NMNAT2: variants seen among roughly 807,000 people sequenced by gnomAD.
NMNAT2 encodes nicotinamide/nicotinic acid mononucleotide adenylyltransferase 2.
Under a neutral mutation model 41.6 loss-of-function variants are expected in NMNAT2, and 11 were observed. The observed-to-expected ratio is 0.26, with a 90% CI of 0.17 to 0.44. The LOEUF is 0.44. Ranked by LOEUF, NMNAT2 falls within the 20% of genes least tolerant of loss-of-function variation. The pLI is 1.00. For missense variants in NMNAT2, 288 were observed against 407.7 expected (o/e 0.71, Z 2.53); for synonymous variants, 148 against 151.2 (o/e 0.98, Z 0.16).
chr1:183,334,516 CT>C (rs780867339), intron 1 of NMNAT2, among the ~76,000 whole-genome samples: 65 of 147,238 alleles, frequency 4.4e-4, no homozygotes, highest in African/African-American at 7.9e-4. Flanking sequence ...GCCACCCATT[CT>C]TTTTTTTTTT....
chr1:183,334,267 A>G (rs889209084), intron 1 of NMNAT2, among the ~76,000 whole-genome samples: 3 of 152,126 alleles, frequency 2.0e-5, no homozygotes, highest in African/African-American at 7.2e-5. Context: ...GGGTTTCACC[A>G]TATTGGCCAG....
Position 183,286,781 on chromosome 1 carries a change from G to A in NMNAT2, c.329C>T (p.Thr110Ile). Residue 110 changes from threonine to isoleucine, a missense_variant, in exon 5 of 11, where the codon ACT becomes ATT. Transcript: ENST00000287713. Reference sequence around the variant, plus strand: ...GTTGACATTGGAGAGGATGCAGCCAGTCACCCTCTAGGGAGAGAGAGAAGA... The same window carrying A: ...GTTGACATTGGAGAGGATGCAGCCAATCACCCTCTAGGGAGAGAGAGAAGA... Reference protein sequence around the residue: ...EHHRDLMKRVTGCILSNVNTP... With the variant: ...EHHRDLMKRVIGCILSNVNTP... 6.2e-7 allele frequency: 1 copy of A among 1,610,628 alleles called. No individual in the cohort carries two copies. The highest frequency in any genetic ancestry group is 8.5e-7 in the Non-Finnish European group (1 of 1,178,318).
chr1:183,374,297 C>T (rs1663625127), intron 1 of NMNAT2, among the ~76,000 whole-genome samples: 1 of 37,792 alleles, frequency 2.6e-5, no homozygotes, highest in Non-Finnish European at 8.4e-5. Flanking sequence ...TCTGCTTGCA[C>T]CCCCCTGGCT....
At chr1:183,341,732 A>AAAAAAAAAAAAAC (rs1662814156) in intron 1 of NMNAT2, among the ~76,000 whole-genome samples, 1 of 138,914 alleles carries the variant, frequency 7.2e-6, no homozygotes, top group African/African-American at 2.6e-5. Context: ...CACCAAAAAA[A>AAAAAAAAAAAAAC]AAAAAAAAAA....
chr1:183,324,608 T>C (rs1662423004), intron 1 of NMNAT2, among the ~76,000 whole-genome samples: 1 of 152,210 alleles, frequency 6.6e-6, no homozygotes, highest in South Asian at 2.1e-4. Context: ...TGAGTTCCTC[T>C]GACACTCTGA....
At chr1:183,345,716 TC>T (rs1204217711) in intron 1 of NMNAT2, among the ~76,000 whole-genome samples, 2 of 148,616 alleles carry the variant, frequency 1.3e-5, no homozygotes, top group Non-Finnish European at 3.0e-5. Context: ...AGACGGAGTC[TC>T]ACACTGTTGC....
intron 7 of NMNAT2, chr1:183,283,028 C>T (rs890996352): frequency 2.6e-5 from 4 of 152,130 alleles, no homozygotes; most frequent in African/African-American, 9.7e-5. Context: ...ACCACTGCAC[C>T]TCAGATGAGA....
At chr1:183,283,938 G>A (rs868163263) in intron 7 of NMNAT2, 57 bp downstream of exon 7, 18 of 1,555,916 alleles carry the variant, frequency 1.2e-5, no homozygotes, top group African/African-American at 1.1e-4. Flanking sequence ...GTTGCCTGTC[G>A]TGAAGGCAGG....
At chr1:183,276,637 G>C (rs546628539) in intron 8 of NMNAT2, among the ~76,000 whole-genome samples, 1 of 152,250 alleles carries the variant, frequency 6.6e-6, no homozygotes, top group Non-Finnish European at 1.5e-5. Flanking sequence ...ACTCCAGGCT[G>C]TGCCACAGCT....
intron 1 of NMNAT2, among the ~76,000 whole-genome samples, chr1:183,398,793 A>G (rs1648726656): frequency 6.6e-6 from 1 of 152,206 alleles, no homozygotes; most frequent in Non-Finnish European, 1.5e-5. Flanking sequence ...AAACTGAACA[A>G]CCTGTTCCTG....
intron 4 of NMNAT2, 27 bp downstream of exon 4, chr1:183,290,101 C>G: frequency 6.5e-7 from 1 of 1,546,448 alleles, no homozygotes; most frequent in Non-Finnish European, 8.8e-7. Context: ...TGGTGGTTCA[C>G]GCATCCCCAG....
chr1:183,412,129 T>G (rs7551058), intron 1 of NMNAT2, among the ~76,000 whole-genome samples: 2,732 of 152,314 alleles, frequency 0.018, 75 homozygotes, highest in African/African-American at 0.063. Context: ...TTGACTTTGA[T>G]TGACAGAGAT....
At chr1:183,311,726 C>T (rs2022418) in intron 1 of NMNAT2, among the ~76,000 whole-genome samples, 19 of 33,380 alleles carry the variant, frequency 5.7e-4, no homozygotes, top group East Asian at 0.071. Flanking sequence ...AGTCCCTACA[C>T]ACACACACAC....
chr1:183,260,819 CAAA>C lies in NMNAT2; in HGVS notation c.821+180_821+182del, dbSNP rs35660466. ...GGGCAACAAGAGTGAGACGCTGTCT[CAAA>C]AAAAAAAAAAAAAAAAAAAATGTAA... On this transcript the variant is annotated intron_variant, in intron 10 of 10. Transcript: ENST00000287713. 3.9e-3 allele frequency among the ~76,000 whole-genome samples: 290 copies of C among 74,958 alleles called. 2 individuals are homozygous for C. Among genetic ancestry groups the C allele is most frequent in the African/African-American group, 0.014 (253 of 17,928 alleles). The allele number at this position is 74,958 out of a possible 152,430, so 49.2% of individuals were successfully genotyped here.
intron 1 of NMNAT2, among the ~76,000 whole-genome samples, chr1:183,317,130 T>C (rs1662270751): frequency 6.6e-6 from 1 of 152,238 alleles, no homozygotes; most frequent in Non-Finnish European, 1.5e-5. Context: ...CTCTTCTAAA[T>C]GGGAACCGTC....
chr1:183,276,555 G>A lies in NMNAT2; in HGVS notation c.651+1998C>T, dbSNP rs569124611. Among the ~76,000 whole-genome samples the A allele has an allele frequency of 8.5e-5, 13 of 152,322 alleles. No homozygotes were observed. In the South Asian group the frequency reaches 2.5e-3, roughly 29 times the overall value. On this transcript the variant is annotated intron_variant, in intron 8 of 10. Transcript: ENST00000287713. The stretch of plus-strand genomic sequence containing the variant: ...AAGTTTCACGCTCCAGGAAGCCTGG[G>A]TCTGCCCTTGAGAGGAGGCTCCTCA...
intron 1 of NMNAT2, among the ~76,000 whole-genome samples, chr1:183,323,522 T>A (rs1447247698): frequency 6.6e-6 from 1 of 152,220 alleles, no homozygotes; most frequent in African/African-American, 2.4e-5. Context: ...TAAACACATG[T>A]GGAGCCTTCT....
intron 1 of NMNAT2, among the ~76,000 whole-genome samples, chr1:183,395,166 T>C (rs1410929775): frequency 2.0e-5 from 3 of 152,280 alleles, no homozygotes; most frequent in African/African-American, 7.2e-5. Context: ...AAACTCCATA[T>C]GTGAAAGGAT....
chr1:183,283,764 C>T, intron 7 of NMNAT2: 1 of 543,924 alleles, frequency 1.8e-6, no homozygotes, highest in Non-Finnish European at 3.3e-6. Flanking sequence ...GGAAAAATCA[C>T]CAAATGATCC....
Sources: allele counts gnomAD v4.1 joint callset (sites outside exome capture counted in the v4.1 genomes callset), GRCh38; gene constraint gnomAD v4.1.1; transcripts MANE v1.5; gene names NCBI Gene and HGNC (gene_info 2026-07-23, HGNC 2026-07-21).